Variants in PPP1R12B observed in about 807,000 individuals in gnomAD.
PPP1R12B encodes the protein protein phosphatase 1 regulatory subunit 12B, also known as myosin phosphatase target subunit 2.
Under a neutral mutation model 126.1 loss-of-function variants are expected in PPP1R12B, and 76 were observed. That is an observed-to-expected ratio of 0.60 (90% CI 0.50 to 0.73). The LOEUF is 0.73. Ranked by LOEUF, PPP1R12B falls within the 30% of genes least tolerant of loss-of-function variation. The pLI, the probability that PPP1R12B is intolerant of heterozygous loss-of-function variation, is 0.00. For synonymous variants in PPP1R12B, 356 were observed against 434.7 expected (o/e 0.82, Z 2.25); for missense variants, 1,052 against 1,205.1 (o/e 0.87, Z 1.88).
In PPP1R12B at chr1:202,584,298, T is replaced by C. The variant is rs924213373; in HGVS notation, c.*3738T>C. 1.3e-5 allele frequency: 2 copies of C among 152,234 alleles called. No individual in the cohort carries two copies. The highest frequency in any genetic ancestry group is 4.8e-5 in the African/African-American group (2 of 41,456). The allele number at this position is 152,234 out of a possible 1,614,324, so 9.4% of individuals were successfully genotyped here. On this transcript the variant is annotated 3_prime_UTR_variant, in exon 24 of 24. Coordinates refer to ENST00000608999, the MANE Select transcript of PPP1R12B (RefSeq NM_002481.4). ...GAAGACTTAGATTCATTTATTGCTA[T>C]CTGAGGCCACTAGTGAGATTTCAGA...
At position 202,581,427 on chromosome 1, in the gene PPP1R12B, A is replaced by G. The variant is rs983641387; in HGVS notation, c.*867A>G. 12 of 152,228 alleles carry G rather than the reference A, an allele frequency of 7.9e-5. No individual in the cohort carries two copies. Among genetic ancestry groups the G allele is most frequent in the Admixed American group, 7.2e-4 (11 of 15,274 alleles). The allele number at this position is 152,228 out of a possible 1,614,324, so 9.4% of individuals were successfully genotyped here. ...CCACTGCCTGCTCCCTGGAAGGTAGACTATGGCATAAGTGTCAGCTCATTG... is the reference window on the plus strand; with the variant it reads ...CCACTGCCTGCTCCCTGGAAGGTAGGCTATGGCATAAGTGTCAGCTCATTG... On this transcript the variant is annotated 3_prime_UTR_variant, in exon 24 of 24. Coordinates refer to ENST00000608999, the MANE Select transcript of PPP1R12B (RefSeq NM_002481.4).
chr1:202,481,525 A>G (rs1305136614), intron 13 of PPP1R12B, among the ~76,000 whole-genome samples: 3 of 141,956 alleles, frequency 2.1e-5, no homozygotes, highest in Non-Finnish European at 4.6e-5. Context: ...TTGTTTTGGA[A>G]GATATAGTTT....
At chr1:202,456,875 T>C (rs1193377455) in intron 13 of PPP1R12B, among the ~76,000 whole-genome samples, 1 of 152,174 alleles carries the variant, frequency 6.6e-6, no homozygotes, top group Non-Finnish European at 1.5e-5. Flanking sequence ...CTGTAAACTG[T>C]AAAAACAGTT....
chr1:202,452,249 G>C (rs1673079081), intron 13 of PPP1R12B, among the ~76,000 whole-genome samples: 2 of 152,228 alleles, frequency 1.3e-5, no homozygotes, highest in African/African-American at 4.8e-5. Flanking sequence ...CTGCACTCCA[G>C]CCTGGGCACC....
intron 1 of PPP1R12B, among the ~76,000 whole-genome samples, chr1:202,375,761 C>G (rs985705118): frequency 6.6e-6 from 1 of 152,186 alleles, no homozygotes; most frequent in Non-Finnish European, 1.5e-5. Flanking sequence ...CACGGTATTG[C>G]CCAGGCTGGT....
At chr1:202,566,231 C>T (rs1005203306) in intron 21 of PPP1R12B, among the ~76,000 whole-genome samples, 2 of 152,198 alleles carry the variant, frequency 1.3e-5, no homozygotes, top group Non-Finnish European at 2.9e-5. Context: ...GCACAGAGGG[C>T]ACTGAAAATA....
At chr1:202,526,317 T>G (rs1572392882) in intron 18 of PPP1R12B, among the ~76,000 whole-genome samples, 1 of 152,134 alleles carries the variant, frequency 6.6e-6, no homozygotes, top group East Asian at 1.9e-4. Flanking sequence ...AAGGAGGTGT[T>G]GGGTGTTTGA....
chr1:202,440,165 T>C (rs895763155), intron 10 of PPP1R12B, among the ~76,000 whole-genome samples: 1 of 152,206 alleles, frequency 6.6e-6, no homozygotes, highest in Non-Finnish European at 1.5e-5. Flanking sequence ...TTTATAGGAC[T>C]CTCTTTGTGC....
intron 18 of PPP1R12B, among the ~76,000 whole-genome samples, chr1:202,499,100 C>A (rs1679904998): frequency 6.6e-6 from 1 of 151,972 alleles, no homozygotes; most frequent in Non-Finnish European, 1.5e-5. Context: ...TAACCACTAC[C>A]CAAATCAAGA....
chr1:202,501,417 C>T (rs976390020), intron 18 of PPP1R12B, among the ~76,000 whole-genome samples: 23 of 152,022 alleles, frequency 1.5e-4, no homozygotes, highest in African/African-American at 4.3e-4. Context: ...TACTGTTTTC[C>T]CTGTTTGCTC....
intron 5 of PPP1R12B, 111 bp downstream of exon 5, chr1:202,427,295 C>A (rs1669654132): frequency 3.5e-6 from 5 of 1,445,076 alleles, no homozygotes; most frequent in Non-Finnish European, 4.7e-6. Context: ...AAATATACAT[C>A]ACTGGTAGCT....
intron 15 of PPP1R12B, among the ~76,000 whole-genome samples, chr1:202,494,701 G>T (rs568686492): frequency 2.0e-5 from 3 of 149,284 alleles, no homozygotes; most frequent in Admixed American, 2.0e-4. Context: ...GCAAGACTCC[G>T]TCTCAAAAAA....
intron 23 of PPP1R12B, among the ~76,000 whole-genome samples, chr1:202,578,686 C>T (rs184795923): frequency 2.4e-3 from 366 of 152,324 alleles, no homozygotes; most frequent in Non-Finnish European, 4.1e-3. Context: ...CACTCAGTAT[C>T]GCAAAGCTCA....
chr1:202,379,926 T>C (rs1456356161), intron 1 of PPP1R12B, among the ~76,000 whole-genome samples: 1 of 152,210 alleles, frequency 6.6e-6, no homozygotes, highest in Non-Finnish European at 1.5e-5. Context: ...GGAATCTGTA[T>C]TTTTACCAGG....
chr1:202,354,717 G>A (rs1030097661), intron 1 of PPP1R12B, among the ~76,000 whole-genome samples: 1 of 150,926 alleles, frequency 6.6e-6, no homozygotes. Context: ...GCACGATCTC[G>A]ACTCACTGCA....
chr1:202,449,476 C>T (rs1216072647), intron 13 of PPP1R12B, among the ~76,000 whole-genome samples: 1 of 151,796 alleles, frequency 6.6e-6, no homozygotes, highest in Non-Finnish European at 1.5e-5. Flanking sequence ...CGGGGTTTCA[C>T]CATGTTAGCC....
intron 18 of PPP1R12B, among the ~76,000 whole-genome samples, chr1:202,498,716 C>G (rs1679855930): frequency 6.6e-6 from 1 of 152,188 alleles, no homozygotes; most frequent in Non-Finnish European, 1.5e-5. Context: ...CCTCTCTACC[C>G]CAGCTCCATT....
intron 13 of PPP1R12B, among the ~76,000 whole-genome samples, chr1:202,450,211 G>A (rs749390890): frequency 6.6e-6 from 1 of 152,160 alleles, no homozygotes; most frequent in Admixed American, 6.5e-5. Context: ...ATTAATTTGA[G>A]AAGAATACCA....
chr1:202,503,602 G>A (rs528086627), intron 18 of PPP1R12B, among the ~76,000 whole-genome samples: 1 of 152,102 alleles, frequency 6.6e-6, no homozygotes, highest in African/African-American at 2.4e-5. Context: ...AGAAGAGGCC[G>A]AAAGAGCCCT....
Sources: gnomAD v4.1 joint callset for allele counts (sites outside exome capture counted in the v4.1 genomes callset) on GRCh38, gnomAD v4.1.1 for gene constraint, MANE v1.5 for transcripts, NCBI Gene and HGNC (gene_info 2026-07-23, HGNC 2026-07-21) for gene names.